TMEM17: variants seen among roughly 807,000 people sequenced by gnomAD.
TMEM17 encodes the protein transmembrane protein 17.
Under a neutral mutation model 19.1 loss-of-function variants are expected in TMEM17, and 15 were observed. That is an observed-to-expected ratio of 0.78 (90% CI 0.52 to 1.21). The LOEUF (loss-of-function observed/expected upper bound fraction) is 1.21. Ranked by LOEUF, TMEM17 falls within the 50% of genes most tolerant of loss-of-function variation. The probability of loss-of-function intolerance (pLI) is 0.00; values close to 1 mark genes in which losing one functional copy is unlikely to be tolerated. For missense variants in TMEM17, 245 were observed against 242.3 expected (o/e 1.01, Z -0.07); for synonymous variants, 103 against 86.9 (o/e 1.19, Z -1.03).
At chr2:62,457,763 T>C in the TMEM17 span, among the ~76,000 whole-genome samples, 1 of 152,194 alleles carries the variant, frequency 6.6e-6, no homozygotes, top group Non-Finnish European at 1.5e-5. This position sits in a 1 kb window ranked among gnomAD's most constrained non-coding sequence, Gnocchi z 4.2. Context: ...TTAGTTTAAC[T>C]GGGTGCGCTC....
At chr2:62,459,307 G>A in the TMEM17 span, among the ~76,000 whole-genome samples, 1 of 152,212 alleles carries the variant, frequency 6.6e-6, no homozygotes, top group Admixed American at 6.5e-5. Context: ...ACCCTCAGGG[G>A]CCCCTTACTT....
rs1333809928 is a variant in TMEM17, at chr2:62,506,185, C to A, written c.-56G>T. The A allele has an allele frequency of 2.0e-6, 3 of 1,481,020 alleles. No individual in the cohort carries two copies. The highest frequency in any genetic ancestry group is 1.5e-5 in the African/African-American group (1 of 68,586). The allele number at this position is 1,481,020 out of a possible 1,614,324, so 91.7% of individuals were successfully genotyped here. The stretch of plus-strand genomic sequence containing the variant: ...GACACGGGCTAGTCTGCGGGCGCTC[C>A]GAGGCTCCGTGGTTCCCACGGCAAC... On this transcript the variant is annotated 5_prime_UTR_variant, in exon 1 of 4. Transcript: ENST00000335390.
At chr2:62,461,667 C>T in the TMEM17 span, among the ~76,000 whole-genome samples, 1 of 152,204 alleles carries the variant, frequency 6.6e-6, no homozygotes, top group Admixed American at 6.5e-5. Context: ...ATTAACAAGG[C>T]ATGTCCCTGA....
At chr2:62,504,512 TG>T (rs1251966234) in intron 1 of TMEM17, among the ~76,000 whole-genome samples, 1 of 152,214 alleles carries the variant, frequency 6.6e-6, no homozygotes, top group African/African-American at 2.4e-5. Context: ...AAGTATTGTG[TG>T]TTAACATCTT....
chr2:62,470,103 C>T, the TMEM17 span, among the ~76,000 whole-genome samples: 1 of 152,212 alleles, frequency 6.6e-6, no homozygotes, highest in Non-Finnish European at 1.5e-5. Flanking sequence ...TAAGAAGACA[C>T]CCATTAGTTG....
the TMEM17 span, among the ~76,000 whole-genome samples, chr2:62,485,723 T>A: frequency 6.6e-6 from 1 of 152,172 alleles, no homozygotes; most frequent in African/African-American, 2.4e-5. Context: ...GAAAACCTAC[T>A]GAAAGTTGAT....
intron 1 of TMEM17, among the ~76,000 whole-genome samples, chr2:62,503,371 C>T (rs11903221): frequency 0.86 from 131,334 of 152,066 alleles, 56,923 homozygotes; most frequent in Non-Finnish European, 0.89. Flanking sequence ...TAGGTACTTA[C>T]CACTCTAAAC....
the TMEM17 span, among the ~76,000 whole-genome samples, chr2:62,490,884 C>G: frequency 2.0e-5 from 3 of 151,940 alleles, no homozygotes; most frequent in African/African-American, 7.3e-5. Context: ...TGAGACCAGC[C>G]TGACCCACAT....
chr2:62,502,442 C>A lies in TMEM17; in HGVS notation c.313G>T (p.Glu105Ter). 1 of 1,595,384 alleles carries A rather than the reference C, an allele frequency of 6.3e-7. No individual in the cohort carries two copies. Among genetic ancestry groups the A allele is most frequent in the South Asian group, 1.1e-5 (1 of 90,538 alleles). ...GAAAGGAAAAAAGAGCTTACCTTCTCCTGTAGGTTACCCACGTAGCCCAGA... is the reference window on the plus strand; with the variant it reads ...GAAAGGAAAAAAGAGCTTACCTTCTACTGTAGGTTACCCACGTAGCCCAGA... ...LYLGYVGNLQ[E>*]KVPELAGFWL... Residue 105 changes from glutamate to a stop codon, truncating the protein, a stop_gained, in exon 3 of 4, where the codon GAG becomes TAG. Coordinates refer to ENST00000335390, the MANE Select transcript of TMEM17 (RefSeq NM_198276.3). LOFTEE classifies it high-confidence loss of function.
chr2:62,486,758 G>A, the TMEM17 span, among the ~76,000 whole-genome samples: 1 of 152,170 alleles, frequency 6.6e-6, no homozygotes, highest in Non-Finnish European at 1.5e-5. Context: ...TGTTCCCATC[G>A]AATATATGGG....
intron 1 of TMEM17, among the ~76,000 whole-genome samples, chr2:62,504,366 T>C (rs1680011216): frequency 6.6e-6 from 1 of 152,184 alleles, no homozygotes; most frequent in Non-Finnish European, 1.5e-5. Flanking sequence ...GTTATTACAG[T>C]ACAAATAATC....
downstream of TMEM17, among the ~76,000 whole-genome samples, chr2:62,497,503 T>C (rs1293972351): frequency 6.6e-6 from 1 of 152,088 alleles, no homozygotes; most frequent in Non-Finnish European, 1.5e-5. Context: ...CACTATTTTT[T>C]GTTCTTAACA....
the TMEM17 span, among the ~76,000 whole-genome samples, chr2:62,456,769 C>A: frequency 3.9e-5 from 6 of 152,218 alleles, no homozygotes; most frequent in Admixed American, 6.5e-5. Context: ...GAGACCAGAG[C>A]CAGTCATGCT....
At chr2:62,492,953 AG>A in the TMEM17 span, among the ~76,000 whole-genome samples, 3 of 152,230 alleles carry the variant, frequency 2.0e-5, no homozygotes, top group Non-Finnish European at 4.4e-5. Flanking sequence ...AGATGAAGTC[AG>A]GCAGGTGGAA....
the TMEM17 span, among the ~76,000 whole-genome samples, chr2:62,475,450 G>A: frequency 6.6e-6 from 1 of 152,248 alleles, no homozygotes; most frequent in Non-Finnish European, 1.5e-5. Flanking sequence ...CCCTGGCCTT[G>A]CTTCAACAAG....
the TMEM17 span, among the ~76,000 whole-genome samples, chr2:62,476,282 G>T: frequency 6.6e-6 from 1 of 152,222 alleles, no homozygotes; most frequent in Non-Finnish European, 1.5e-5. Flanking sequence ...AGCATCTACT[G>T]TGATGCTCTG....
chr2:62,455,517 A>C, the TMEM17 span, among the ~76,000 whole-genome samples: 1 of 152,282 alleles, frequency 6.6e-6, no homozygotes, highest in Non-Finnish European at 1.5e-5. Context: ...CTGTAATCCC[A>C]GCACTTTGGG....
the TMEM17 span, among the ~76,000 whole-genome samples, chr2:62,489,477 C>T: frequency 2.1e-3 from 313 of 152,218 alleles, 3 homozygotes; most frequent in Non-Finnish European, 7.6e-4. Context: ...CTGTATCCTG[C>T]GATTGGAGTA....
intron 1 of TMEM17, among the ~76,000 whole-genome samples, chr2:62,504,801 G>A (rs200375436): frequency 6.6e-6 from 1 of 152,048 alleles, no homozygotes; most frequent in African/African-American, 2.4e-5. Context: ...TTTTCCACAC[G>A]TGAAATCCAT....
Sources: gnomAD v4.1 joint callset for allele counts (sites outside exome capture counted in the v4.1 genomes callset) on GRCh38, gnomAD v4.1.1 for gene constraint, Gnocchi (gnomAD v3.1) non-coding constraint, MANE v1.5 for transcripts, NCBI Gene and HGNC (gene_info 2026-07-23, HGNC 2026-07-21) for gene names.